Variants in ANTXR1 observed in about 807,000 individuals in gnomAD.
The protein encoded by ANTXR1 is anthrax toxin receptor 1.
ANTXR1 carries 19 observed loss-of-function variants against 78.1 expected under a neutral mutation model. That is an observed-to-expected ratio of 0.24 (90% CI 0.17 to 0.36). ANTXR1 has a LOEUF of 0.36. Among genes scored for constraint, ANTXR1 ranks in the 10% least tolerant of loss-of-function variants. The pLI is 1.00. For missense variants in ANTXR1, 518 were observed against 718.6 expected (o/e 0.72, Z 3.19); for synonymous variants, 273 against 260.5 (o/e 1.05, Z -0.46).
chr2:69,111,996 C>T (rs1671999807), intron 10 of ANTXR1, among the ~76,000 whole-genome samples: 2 of 152,104 alleles, frequency 1.3e-5, no homozygotes, highest in South Asian at 4.2e-4. Flanking sequence ...ATATGTTGGT[C>T]AAAGGCACTT....
At chr2:69,183,720 G>C (rs901409392) in intron 16 of ANTXR1, among the ~76,000 whole-genome samples, 5 of 151,626 alleles carry the variant, frequency 3.3e-5, no homozygotes. Flanking sequence ...CAGCCTGAAG[G>C]CCTCTTTTCT....
chr2:69,174,879 AT>A (rs1674078660), intron 14 of ANTXR1, among the ~76,000 whole-genome samples: 1 of 152,244 alleles, frequency 6.6e-6, no homozygotes, highest in Non-Finnish European at 1.5e-5. Context: ...AAAGTGTGCT[AT>A]TATGAACCCC....
intron 16 of ANTXR1, among the ~76,000 whole-genome samples, chr2:69,188,145 T>TA (rs1409773206): frequency 4.6e-5 from 7 of 151,812 alleles, no homozygotes; most frequent in Non-Finnish European, 1.0e-4. Flanking sequence ...TCTTGTTCTG[T>TA]CGCCCAGGCT....
At chr2:69,230,972 C>T (rs192176636) in intron 17 of ANTXR1, among the ~76,000 whole-genome samples, 10 of 152,282 alleles carry the variant, frequency 6.6e-5, no homozygotes, top group African/African-American at 1.7e-4. Context: ...TCCCCACTCA[C>T]GTAGACTCCA....
intron 17 of ANTXR1, among the ~76,000 whole-genome samples, chr2:69,226,313 C>T (rs1430160437): frequency 6.6e-6 from 1 of 152,182 alleles, no homozygotes. Context: ...CTGTGAGCAG[C>T]CCCTGGGATC....
intron 15 of ANTXR1, 66 bp downstream of exon 15, chr2:69,181,947 C>A: frequency 6.7e-7 from 1 of 1,497,666 alleles, no homozygotes; most frequent in African/African-American, 1.4e-5. Flanking sequence ...ACCAGCCGGG[C>A]CTGACCCTGC....
intron 13 of ANTXR1, among the ~76,000 whole-genome samples, chr2:69,168,085 G>C (rs910317250): frequency 2.6e-5 from 4 of 152,180 alleles, no homozygotes; most frequent in Non-Finnish European, 5.9e-5. Context: ...CTTGGCCACT[G>C]TCAGAACACC....
chr2:69,108,630 C>T (rs565278669), intron 10 of ANTXR1, among the ~76,000 whole-genome samples: 21 of 152,254 alleles, frequency 1.4e-4, no homozygotes, highest in African/African-American at 4.6e-4. Flanking sequence ...ACCCTCCACC[C>T]TCTAGTAGGC....
intron 9 of ANTXR1, among the ~76,000 whole-genome samples, chr2:69,094,544 C>G (rs1671338428): frequency 6.6e-6 from 1 of 152,218 alleles, no homozygotes; most frequent in South Asian, 2.1e-4. Flanking sequence ...TTAGCCTCTT[C>G]CCTTCACTCT....
rs1558673929 is a variant in ANTXR1, at chr2:69,246,786, G to C, written c.*1301G>C. 6.6e-6 allele frequency: 1 copy of C among 152,068 alleles called. No homozygotes were observed. The highest frequency in any genetic ancestry group is 1.5e-5 in the Non-Finnish European group (1 of 68,026). 9.4% of individuals were successfully genotyped at this position (152,068 alleles called of 1,614,324 possible). Reference sequence around the variant, plus strand: ...CCTATAATCACTTGCTAAACACTGGGCTTCATCACCCAGGGATAAAAACAG... The same window carrying C: ...CCTATAATCACTTGCTAAACACTGGCCTTCATCACCCAGGGATAAAAACAG... On this transcript the variant is annotated 3_prime_UTR_variant, in exon 18 of 18. Coordinates refer to ENST00000303714, the MANE Select transcript of ANTXR1 (RefSeq NM_032208.3).
chr2:69,146,079 C>G, intron 12 of ANTXR1: 1 of 985,462 alleles, frequency 1.0e-6, no homozygotes, highest in African/African-American at 1.7e-5. Flanking sequence ...AATGTCATCC[C>G]TAATGACACA....
At chr2:69,016,119 A>G (rs11126210) in intron 1 of ANTXR1, among the ~76,000 whole-genome samples, 18,837 of 152,250 alleles carry the variant, frequency 0.12, 1,278 homozygotes, top group African/African-American at 0.16. Flanking sequence ...TGCGCTGTCC[A>G]GTAGAACTTT....
At chr2:69,176,954 T>G (rs1331931298) in intron 14 of ANTXR1, among the ~76,000 whole-genome samples, 1 of 152,188 alleles carries the variant, frequency 6.6e-6, no homozygotes, top group Non-Finnish European at 1.5e-5. Flanking sequence ...ACTTATCAAT[T>G]GAGTCTGAGA....
intron 10 of ANTXR1, among the ~76,000 whole-genome samples, chr2:69,111,194 A>G (rs1310473889): frequency 6.6e-6 from 1 of 152,210 alleles, no homozygotes; most frequent in Non-Finnish European, 1.5e-5. Flanking sequence ...CTGCTGGCCA[A>G]GAAAATATCT....
chr2:69,075,087 C>T (rs145207708), intron 6 of ANTXR1, among the ~76,000 whole-genome samples: 18 of 152,176 alleles, frequency 1.2e-4, no homozygotes, highest in East Asian at 7.7e-4. Flanking sequence ...AATATGCTGA[C>T]GTTTATGAGT....
chr2:69,019,647 G>A (rs1362128368), intron 1 of ANTXR1, among the ~76,000 whole-genome samples: 2 of 152,038 alleles, frequency 1.3e-5, no homozygotes, highest in Admixed American at 6.6e-5. Flanking sequence ...AATGTGTCAT[G>A]GAGTTTTGTT....
intron 12 of ANTXR1, among the ~76,000 whole-genome samples, chr2:69,132,226 T>C (rs1386097342): frequency 6.6e-6 from 1 of 152,316 alleles, no homozygotes; most frequent in East Asian, 1.9e-4. Flanking sequence ...GGGCTGAGGA[T>C]GCACAGTCTG....
intron 14 of ANTXR1, among the ~76,000 whole-genome samples, chr2:69,172,768 A>G (rs1311525092): frequency 7.2e-5 from 11 of 152,360 alleles, no homozygotes; most frequent in East Asian, 1.9e-4. Flanking sequence ...CTGAGATTCT[A>G]TGTAACCAAC....
chr2:69,245,729 A>C lies in ANTXR1; in HGVS notation c.*244A>C. On this transcript the variant is annotated 3_prime_UTR_variant, in exon 18 of 18. Transcript: ENST00000303714. ...ATAGCCAGCCATCTATCACCTCTAG[A>C]AGGTTCCAGAGACAGTGAAACTGCA... 1.9e-6 allele frequency: 1 copy of C among 513,494 alleles called. No homozygotes were observed. The highest frequency in any genetic ancestry group is 3.4e-6 in the Non-Finnish European group (1 of 290,614). The allele number at this position is 513,494 out of a possible 1,614,324, so 31.8% of individuals were successfully genotyped here. A position where few individuals can be genotyped will look rare whatever the true frequency, so the allele number is the denominator to read the frequency against.
Sources: gnomAD v4.1 joint callset for allele counts (sites outside exome capture counted in the v4.1 genomes callset) on GRCh38, gnomAD v4.1.1 for gene constraint, MANE v1.5 for transcripts, NCBI Gene and HGNC (gene_info 2026-07-23, HGNC 2026-07-21) for gene names.